TDP2: variants seen among roughly 807,000 people sequenced by gnomAD.
The protein encoded by TDP2 is 5'-Tyr-DNA phosphodiesterase.
Under a neutral mutation model 42.8 loss-of-function variants are expected in TDP2, and 38 were observed. The ratio of observed to expected loss-of-function variants is 0.89; its 90% confidence interval spans 0.68 to 1.16. TDP2 has a LOEUF of 1.16. Among genes scored for constraint, TDP2 ranks in the 50% most tolerant of loss-of-function variants. TDP2 has a pLI of 0.00. For synonymous variants in TDP2, 173 were observed against 150.6 expected, an observed-to-expected ratio of 1.15 and a Z score of -1.09; for missense variants, 439 against 439.3, an observed-to-expected ratio of 1.00 and a Z score of 0.01.
At chr6:24,664,948 C>T (rs974206488) in intron 2 of TDP2, among the ~76,000 whole-genome samples, 3 of 152,112 alleles carry the variant, frequency 2.0e-5, no homozygotes, top group Non-Finnish European at 4.4e-5. Context: ...TTTCTGAGGG[C>T]CTATTACAGG....
Position 24,666,869 on chromosome 6 carries a change from G to T in TDP2, c.-7C>A, listed in dbSNP as rs376289525. On this transcript the variant is annotated 5_prime_UTR_variant, in exon 1 of 7. Coordinates refer to ENST00000378198, the MANE Select transcript of TDP2 (RefSeq NM_016614.3). ...GGCAACTCCCCAACTCCATCTTCCT[G>T]CCGCCTCTGCACCGCCCCTTTAAGC... 6 of 1,612,848 alleles carry T rather than the reference G, an allele frequency of 3.7e-6. No homozygotes were observed. Among genetic ancestry groups the T allele is most frequent in the Non-Finnish European group, 5.1e-6 (6 of 1,180,042 alleles).
intron 2 of TDP2, among the ~76,000 whole-genome samples, chr6:24,664,745 T>C (rs1778204243): frequency 1.3e-5 from 2 of 152,174 alleles, no homozygotes; most frequent in Admixed American, 1.3e-4. Flanking sequence ...ACGCTGAAGT[T>C]TGCCCCTTCC....
In TDP2 at chr6:24,657,921, T is replaced by C. The variant is rs559444246; in HGVS notation, c.426-18A>G. 1.0e-3 allele frequency: 1,494 copies of C among 1,459,020 alleles called. 27 individuals are homozygous for C. In the South Asian group the frequency reaches 0.018, roughly 17 times the overall value. 90.4% of individuals were successfully genotyped at this position (1,459,020 alleles called of 1,614,324 possible). On this transcript the variant is annotated intron_variant, in intron 3 of 6. Transcript: ENST00000378198. ...GGCTGTACCTAATGAAAAACATCAA[T>C]TTATGACAAATACCAAGTATACCAT...
At position 24,657,875 on chromosome 6, in the gene TDP2, C is replaced by T. The variant is rs754324675; in HGVS notation, c.454G>A (p.Glu152Lys). 1.6e-5 allele frequency: 25 copies of T among 1,584,764 alleles called. No individual in the cohort carries two copies. Among genetic ancestry groups the T allele is most frequent in the Non-Finnish European group, 2.0e-5 (23 of 1,163,760 alleles). Residue 152 changes from glutamate (E) to lysine (K), a missense_variant, in exon 4 of 7, where the codon GAA (glutamate) becomes AAA (lysine). Glu to Lys is a moderately conservative substitution (Grantham distance 56). Coordinates refer to ENST00000378198, the MANE Select transcript of TDP2 (RefSeq NM_016614.3). ...TAGCTATAATATGGGGGAATAACTT[C>T]CTGTAGAAATATCACATCTGGGCTG... ...LYSPDVIFLQ[E>K]VIPPYYSYLK...
At position 24,658,654 on chromosome 6, in the gene TDP2, C is replaced by A. The variant is rs1269374875; in HGVS notation, c.332G>T (p.Gly111Val). The A allele has an allele frequency of 1.9e-6, 3 of 1,613,694 alleles. No homozygotes were observed. Among genetic ancestry groups the A allele is most frequent in the Non-Finnish European group, 2.5e-6 (3 of 1,179,784 alleles). ...CCAGGTAATGAGAGAGAACATGCTGCCATTTTCTTGCTGAGTATCTTCAGA... is the reference window on the plus strand; with the variant it reads ...CCAGGTAATGAGAGAGAACATGCTGACATTTTCTTGCTGAGTATCTTCAGA... Reference protein sequence around the residue: ...SPSEDTQQENGSMFSLITWNI... With the variant: ...SPSEDTQQENVSMFSLITWNI... Residue 111 changes from glycine (G) to valine (V), a missense_variant, in exon 3 of 7, where the codon GGC (glycine) becomes GTC (valine). Gly to Val is a moderately radical substitution (Grantham distance 109). Coordinates refer to ENST00000378198, the MANE Select transcript of TDP2 (RefSeq NM_016614.3).
At chr6:24,661,640 C>T (rs1392311021) in intron 2 of TDP2, among the ~76,000 whole-genome samples, 1 of 152,098 alleles carries the variant, frequency 6.6e-6, no homozygotes, top group Non-Finnish European at 1.5e-5. Flanking sequence ...GATCTGGGTG[C>T]TAGATGAACT....
chr6:24,661,457 A>G (rs6920675), intron 2 of TDP2, among the ~76,000 whole-genome samples: 5,917 of 152,242 alleles, frequency 0.039, 321 homozygotes, highest in African/African-American at 0.12. Flanking sequence ...TTACTTTCTA[A>G]CACCACAGAT....
intron 2 of TDP2, among the ~76,000 whole-genome samples, chr6:24,665,137 T>G (rs1244817913): frequency 6.6e-6 from 1 of 152,188 alleles, no homozygotes; most frequent in Non-Finnish European, 1.5e-5. Context: ...TTTCTCTCAA[T>G]CCTACACTTC....
Position 24,666,062 on chromosome 6 carries a change from G to A in TDP2, c.251+464C>T, listed in dbSNP as rs114945810. ...TTTTTAAGTGCAGGAACTGGAGAGG[G>A]GCACTGAAATAACAGGAGTAGGTGT... On this transcript the variant is annotated intron_variant, in intron 2 of 6. Transcript: ENST00000378198. 1,746 of 1,519,802 alleles carry A rather than the reference G, an allele frequency of 1.1e-3. 9 individuals carry two copies. The African/African-American group carries it at 0.018, about 16-fold the overall frequency. 94.1% of individuals were successfully genotyped at this position (1,519,802 alleles called of 1,614,324 possible). A position where few individuals can be genotyped will look rare whatever the true frequency, so the allele number is the denominator to read the frequency against.
Position 24,650,641 on chromosome 6 carries a change from G to C in TDP2, c.*147C>G. The stretch of plus-strand genomic sequence containing the variant: ...TAAATAAACATTAATCTTTAATGTT[G>C]AATTCTGAAAACACAACCATAAATC... On this transcript the variant is annotated 3_prime_UTR_variant, in exon 7 of 7. Transcript: ENST00000378198. 1.3e-6 allele frequency: 1 copy of C among 763,280 alleles called. No homozygotes were observed. The highest frequency in any genetic ancestry group is 2.7e-5 in the East Asian group (1 of 37,162). The allele number at this position is 763,280 out of a possible 1,614,324, so 47.3% of individuals were successfully genotyped here. A position where few individuals can be genotyped will look rare whatever the true frequency, so the allele number is the denominator to read the frequency against.
In TDP2 at chr6:24,664,222, C is replaced by T. The variant is rs534939468; in HGVS notation, c.251+2304G>A. On this transcript the variant is annotated intron_variant, in intron 2 of 6. Coordinates refer to ENST00000378198, the MANE Select transcript of TDP2 (RefSeq NM_016614.3). ...AGATTCTGCATGTCTAACAAATTCCCGAGTAGCAGTGGCACGCTGCTGGTC... is the reference window on the plus strand; with the variant it reads ...AGATTCTGCATGTCTAACAAATTCCTGAGTAGCAGTGGCACGCTGCTGGTC... 4.6e-5 allele frequency among the ~76,000 whole-genome samples: 7 copies of T among 151,780 alleles called. No individual in the cohort carries two copies. In the South Asian group the frequency reaches 1.0e-3, roughly 23 times the overall value.
intron 2 of TDP2, among the ~76,000 whole-genome samples, chr6:24,665,598 A>T (rs995687007): frequency 5.3e-5 from 8 of 152,208 alleles, no homozygotes; most frequent in African/African-American, 1.9e-4. Flanking sequence ...ATTTATTGGG[A>T]GCTTATTATG....
intron 4 of TDP2, 102 bp from the exon 5 acceptor site, chr6:24,654,632 A>T: frequency 1.5e-6 from 1 of 671,334 alleles, no homozygotes; most frequent in East Asian, 2.7e-5. Context: ...AACAGGTAAC[A>T]GATATTTACA....
chr6:24,657,988 C>A, intron 3 of TDP2, 85 bp from the exon 4 acceptor site: 2 of 956,334 alleles, frequency 2.1e-6, no homozygotes, highest in South Asian at 1.6e-5. Context: ...CCACAACATA[C>A]CAAAAACAAA....
At chr6:24,657,345 A>T (rs536361103) in intron 4 of TDP2, among the ~76,000 whole-genome samples, 1 of 152,362 alleles carries the variant, frequency 6.6e-6, no homozygotes, top group African/African-American at 2.4e-5. Context: ...ACTGTATATG[A>T]AAATCACGAG....
intron 2 of TDP2, 161 bp from the exon 3 acceptor site, chr6:24,658,895 C>T: frequency 2.9e-6 from 2 of 683,646 alleles, no homozygotes; most frequent in Non-Finnish European, 4.8e-6. Context: ...AGGTTCTAGA[C>T]AGAAATATAA....
chr6:24,666,558 G>A lies in TDP2; in HGVS notation c.219C>T (p.Arg73=), dbSNP rs374632872. 1.9e-6 allele frequency: 3 copies of A among 1,614,010 alleles called. No homozygotes were observed. Among genetic ancestry groups the A allele is most frequent in the Non-Finnish European group, 1.7e-6 (2 of 1,179,974 alleles). Residue 73 remains arginine, a synonymous_variant, in exon 2 of 7, where the codon CGC becomes CGT. Coordinates refer to ENST00000378198, the MANE Select transcript of TDP2 (RefSeq NM_016614.3). ...EPPVEESALE[R]RPETISEPKT... is the part of the protein sequence containing the mutation. ...TGGGCTCAGAGATGGTTTCAGGTCGGCGTTCCAAGGCGCTCTCCTCCACCG... is the reference window on the plus strand; with the variant it reads ...TGGGCTCAGAGATGGTTTCAGGTCGACGTTCCAAGGCGCTCTCCTCCACCG...
intron 2 of TDP2, among the ~76,000 whole-genome samples, chr6:24,664,330 T>TA (rs1554188691): frequency 0.39 from 30,969 of 78,684 alleles, 3,527 homozygotes; most frequent in Middle Eastern, 0.5. Context: ...GCACAGCTAA[T>TA]AAAAAAAAAA....
chr6:24,655,398 A>G (rs988119859), intron 4 of TDP2, among the ~76,000 whole-genome samples: 2 of 152,188 alleles, frequency 1.3e-5, no homozygotes. Context: ...ATAGACAGGA[A>G]GCAAGCAGAT....
Sources: gnomAD v4.1 joint callset for allele counts (sites outside exome capture counted in the v4.1 genomes callset) on GRCh38, gnomAD v4.1.1 for gene constraint, MANE v1.5 for transcripts, NCBI Gene and HGNC (gene_info 2026-07-23, HGNC 2026-07-21) for gene names.